KRT5: variants seen among roughly 807,000 people sequenced by gnomAD.
The protein encoded by KRT5 is keratin 5.
Under a neutral mutation model 44.0 loss-of-function variants are expected in KRT5, and 17 were observed. The observed-to-expected ratio is 0.39, with a 90% CI of 0.26 to 0.58. The LOEUF is 0.58. KRT5 is among the 20% of genes least tolerant of loss of function. KRT5 has a pLI of 0.61. For synonymous variants in KRT5, 329 were observed against 312.8 expected (o/e 1.05, Z -0.55); for missense variants, 737 against 785.5 (o/e 0.94, Z 0.74).
chr12:52,520,113 T>C lies in KRT5; in HGVS notation c.184A>G (p.Ser62Gly). The change falls in exon 1 of 9, where the codon AGC becomes GGC. Residue 62 changes from serine to glycine, a missense_variant. Transcript: ENST00000252242. ...CCCCCCAGGTTGTAGAGGCTCCGGC[T>C]GCCATAGCCACCCACTCCACAAGCA... ...AGACGVGGYG[S>G]RSLYNLGGSK... 2.5e-6 allele frequency: 4 copies of C among 1,613,974 alleles called. No individual in the cohort carries two copies. The South Asian group carries it at 4.4e-5, about 18-fold the overall frequency.
intron 2 of KRT5, 159 bp from the exon 3 acceptor site, chr12:52,518,322 G>T: frequency 2.7e-6 from 2 of 728,908 alleles, no homozygotes; most frequent in Non-Finnish European, 5.0e-6. Context: ...CTCTGGCCAA[G>T]GTCCCTCCCC....
chr12:52,516,692 C>A lies in KRT5; in HGVS notation c.1384G>T (p.Ala462Ser). 6.2e-7 allele frequency: 1 copy of A among 1,614,208 alleles called. No homozygotes were observed. The highest frequency in any genetic ancestry group is 8.5e-7 in the Non-Finnish European group (1 of 1,180,044). ...EYQELMNTKL[A>S]LDVEIATYRK... The stretch of plus-strand genomic sequence containing the variant: ...TAAGTGGCGATCTCCACGTCCAGGG[C>A]CAGCTTGGTGTTCATGAGCTCCTGG... The change falls in exon 7 of 9, where the codon GCC becomes TCC. Residue 462 changes from alanine to serine, a missense_variant. Physicochemically the swap from Ala to Ser is moderately conservative, Grantham distance 99. This residue lies in a region of KRT5 where 344 missense variants were observed against 351.6 expected (regional missense o/e 0.98). Transcript: ENST00000252242.
intron 5 of KRT5, 92 bp downstream of exon 5, chr12:52,517,498 T>C: frequency 7.2e-7 from 1 of 1,394,624 alleles, no homozygotes; most frequent in East Asian, 2.3e-5. Context: ...CTTCAGCAGG[T>C]TCCAGGAGCC....
chr12:52,517,573 G>C lies in KRT5; in HGVS notation c.1092+17C>G, dbSNP rs1255306540. On this transcript the variant is annotated intron_variant, in intron 5 of 8. Coordinates refer to ENST00000252242, the MANE Select transcript of KRT5 (RefSeq NM_000424.4). ...GGTGTGTCCCCTCACTCAGGAGACA[G>C]TCATCAGAGCACCCACCTTGGTCTG... The C allele has an allele frequency of 1.2e-6, 2 of 1,613,474 alleles. No homozygotes were observed. Among genetic ancestry groups the C allele is most frequent in the Admixed American group, 1.7e-5 (1 of 60,020 alleles).
Position 52,519,080 on chromosome 12 carries a change from C to T in KRT5, c.636G>A (p.Arg212=), listed in dbSNP as rs1938665591. The T allele has an allele frequency of 1.2e-6, 2 of 1,614,098 alleles. No individual in the cohort carries two copies. The highest frequency in any genetic ancestry group is 1.1e-5 in the South Asian group (1 of 91,086). Residue 212 remains arginine, a synonymous_variant, in exon 2 of 9, where the codon AGG becomes AGA. Coordinates refer to ENST00000252242, the MANE Select transcript of KRT5 (RefSeq NM_000424.4). The part of the protein sequence containing the change: ...LLQEQGTKTV[R]QNLEPLFEQY... ...GCTCGAACAACGGCTCCAGGTTCTG[C>T]CTCACAGTCTTGGTGCCCTGCTCCT...
intron 5 of KRT5, 95 bp from the exon 6 acceptor site, chr12:52,517,327 A>G: frequency 1.4e-6 from 2 of 1,476,538 alleles, no homozygotes; most frequent in Non-Finnish European, 1.9e-6. Flanking sequence ...GTGGTGGCAA[A>G]TAGTGTGGGG....
In KRT5 at chr12:52,517,719, G is replaced by T; in HGVS notation, c.963C>A (p.Thr321=). ...LSQMQTHVSD[T]SVVLSMDNNR... ...TGTTGTCCATGGAGAGGACCACTGAGGTGTCAGAGACATGCGTCTGCATCT... is the reference window on the plus strand; with the variant it reads ...TGTTGTCCATGGAGAGGACCACTGATGTGTCAGAGACATGCGTCTGCATCT... The change falls in exon 5 of 9, where the codon ACC becomes ACA. Residue 321 remains threonine (T), a synonymous_variant. Transcript: ENST00000252242. 3.1e-6 allele frequency: 5 copies of T among 1,614,228 alleles called. No homozygotes were observed. Among genetic ancestry groups the T allele is most frequent in the Non-Finnish European group, 4.2e-6 (5 of 1,180,034 alleles).
chr12:52,519,546 A>G (rs906971279), intron 1 of KRT5, 196 bp downstream of exon 1: 1 of 694,116 alleles, frequency 1.4e-6, no homozygotes, highest in Non-Finnish European at 2.5e-6. Flanking sequence ...TCTGAATGGG[A>G]AGAAATAATT....
chr12:52,515,103 C>A lies in KRT5; in HGVS notation c.1612G>T (p.Gly538Trp). The A allele has an allele frequency of 6.2e-7, 1 of 1,612,320 alleles. No individual in the cohort carries two copies. The highest frequency in any genetic ancestry group is 1.1e-5 in the South Asian group (1 of 90,908). The change falls in exon 9 of 9, where the codon GGG becomes TGG. Residue 538 changes from glycine to tryptophan, a missense_variant. Gly to Trp is a radical substitution (Grantham distance 184). Transcript: ENST00000252242. ...AGCCCACCACCTAGGCCGACACCCC[C>A]ACTGCTGCTGGAGTAGTAGCTTCCA... ...SSGSYYSSSS[G>W]GVGLGGGLSV...
intron 2 of KRT5, chr12:52,518,389 T>C: frequency 1.5e-6 from 1 of 668,294 alleles, no homozygotes; most frequent in Non-Finnish European, 2.7e-6. Flanking sequence ...ATTATTGCTC[T>C]AATTCAGTTG....
chr12:52,514,816 T>C lies in KRT5; in HGVS notation c.*126A>G. 1.3e-6 allele frequency: 1 copy of C among 798,666 alleles called. No homozygotes were observed. Among genetic ancestry groups the C allele is most frequent in the South Asian group, 1.6e-5 (1 of 62,140 alleles). 49.5% of individuals were successfully genotyped at this position (798,666 alleles called of 1,614,324 possible). A position where few individuals can be genotyped will look rare whatever the true frequency, so the allele number is the denominator to read the frequency against. On this transcript the variant is annotated 3_prime_UTR_variant, in exon 9 of 9. Transcript: ENST00000252242. ...TCCTGGGAACCAAAGAATGTGGTTC[T>C]GCAATTGGCTTGGTCTAGACTACTC...
At chr12:52,519,385 T>C in intron 1 of KRT5, 1 of 687,330 alleles carries the variant, frequency 1.5e-6, no homozygotes, top group South Asian at 1.8e-5. Flanking sequence ...GAGTGCTGCT[T>C]GGAGTGTGTC....
At position 52,515,833 on chromosome 12, in the gene KRT5, C is replaced by A; in HGVS notation, c.1440-1G>T. On this transcript the variant is annotated splice_acceptor_variant, in intron 7 of 8. Transcript: ENST00000252242. LOFTEE classifies it high-confidence loss of function. ...TGGTCCAACTCCTTCTCCACTGAGT[C>A]TGAAAGGGGAAAAATTGAATTAAGG... The A allele has an allele frequency of 6.2e-7, 1 of 1,612,984 alleles. No homozygotes were observed.
Position 52,517,244 on chromosome 12 carries a change from AG to A in KRT5, c.1093-13del. On this transcript the variant is annotated splice_polypyrimidine_tract_variant and intron_variant, in intron 5 of 8. Transcript: ENST00000252242. The stretch of plus-strand genomic sequence containing the variant: ...TGCAGCTCCTCATACTGATGCAGCC[AG>A]GAAAGAGGAAAGATTCTGTTTATAT... 1 of 1,614,026 alleles carries A rather than the reference AG, an allele frequency of 6.2e-7. No homozygotes were observed. Among genetic ancestry groups the A allele is most frequent in the East Asian group, 2.2e-5 (1 of 44,872 alleles).
chr12:52,518,402 T>C (rs1418040961), intron 2 of KRT5: 7 of 655,618 alleles, frequency 1.1e-5, no homozygotes, highest in Non-Finnish European at 1.9e-5. Flanking sequence ...TTCAGTTGTT[T>C]CAAGCAGATT....
intron 2 of KRT5, among the ~76,000 whole-genome samples, chr12:52,518,705 A>G (rs187158201): frequency 6.6e-5 from 10 of 152,364 alleles, no homozygotes; most frequent in African/African-American, 2.2e-4. Context: ...TGCCAAGGGC[A>G]CAGAGCATGT....
intron 7 of KRT5, chr12:52,516,117 C>T (rs1028166276): frequency 7.4e-6 from 4 of 541,934 alleles, no homozygotes; most frequent in African/African-American, 3.8e-5. Context: ...ATGTCGAAAG[C>T]AGTTTTTGCC....
In KRT5 at chr12:52,517,509, C is replaced by T. The variant is rs1938629815; in HGVS notation, c.1092+81G>A. 4.8e-6 allele frequency: 7 copies of T among 1,473,354 alleles called. No homozygotes were observed. In the Admixed American group the frequency reaches 6.7e-5, roughly 14 times the overall value. 91.3% of individuals were successfully genotyped at this position (1,473,354 alleles called of 1,614,324 possible). On this transcript the variant is annotated intron_variant, in intron 5 of 8. Transcript: ENST00000252242. Reference sequence around the variant, plus strand: ...TGGGCTTCAGCAGGTTCCAGGAGCCCCATTCTTAGTGTCGTCATGGCCTAG... The same window carrying T: ...TGGGCTTCAGCAGGTTCCAGGAGCCTCATTCTTAGTGTCGTCATGGCCTAG...
intron 8 of KRT5, chr12:52,515,471 A>T: frequency 1.5e-6 from 1 of 646,418 alleles, no homozygotes; most frequent in Non-Finnish European, 2.7e-6. Context: ...GCTAGGTACT[A>T]CAGGGAGCTA....
Sources: gnomAD v4.1 joint callset for allele counts (sites outside exome capture counted in the v4.1 genomes callset) on GRCh38, gnomAD v4.1.1 for gene constraint, gnomAD v4.1.1 regional missense constraint, MANE v1.5 for transcripts, NCBI Gene and HGNC (gene_info 2026-07-23, HGNC 2026-07-21) for gene names.